The following RIPOR3 variants were observed in gnomAD, a reference collection of about 807,000 sequenced individuals.
RIPOR3 encodes RIPOR family member 3, also known as family with sequence similarity 65 member C.
A neutral mutation model predicts 114.3 loss-of-function variants in RIPOR3; 95 were observed. The observed-to-expected ratio is 0.83, with a 90% CI of 0.70 to 0.99. The LOEUF is 0.99. RIPOR3 is among the 50% of genes least tolerant of loss of function. RIPOR3 has a pLI of 0.00. For missense variants in RIPOR3, 1,252 were observed against 1,266.9 expected (o/e 0.99, Z 0.18); for synonymous variants, 575 against 543.8 (o/e 1.06, Z -0.80).
At chr20:50,593,289 T>C in intron 17 of RIPOR3, 93 bp from the exon 18 acceptor site, 1 of 1,438,342 alleles carries the variant, frequency 7.0e-7, no homozygotes, top group Non-Finnish European at 9.3e-7. Context: ...AAAGGCTTTC[T>C]GGGCCGGGCG....
At chr20:50,613,898 G>T (rs1394632518) in intron 4 of RIPOR3, among the ~76,000 whole-genome samples, 1 of 152,048 alleles carries the variant, frequency 6.6e-6, no homozygotes, top group Non-Finnish European at 1.5e-5. Context: ...AGCTTGGCAG[G>T]CCTTTCCCTC....
chr20:50,634,050 C>T (rs532894001), intron 1 of RIPOR3, among the ~76,000 whole-genome samples: 1 of 148,410 alleles, frequency 6.7e-6, no homozygotes, highest in African/African-American at 2.5e-5. Flanking sequence ...GACACGATCT[C>T]AGCTCACTGC....
chr20:50,650,465 G>A (rs954030718), intron 1 of RIPOR3, among the ~76,000 whole-genome samples: 1 of 152,016 alleles, frequency 6.6e-6, no homozygotes, highest in East Asian at 1.9e-4. Context: ...ACCACACCTG[G>A]CTAACTTTTT....
chr20:50,640,436 C>G (rs1222066626), intron 1 of RIPOR3, among the ~76,000 whole-genome samples: 1 of 148,444 alleles, frequency 6.7e-6, no homozygotes, highest in Non-Finnish European at 1.5e-5. Flanking sequence ...GCTGCTTCCC[C>G]TTTCCATCCA....
Position 50,609,366 on chromosome 20 carries a change from C to A in RIPOR3, c.577-10G>T, listed in dbSNP as rs778882632. On this transcript the variant is annotated splice_polypyrimidine_tract_variant and intron_variant, in intron 7 of 21. Transcript: ENST00000327979. The stretch of plus-strand genomic sequence containing the variant: ...CGATGAGCCACATGTCCTGCAAAGC[C>A]CCGGAGGTGGCTCAGCTGGCTGCCT... The A allele has an allele frequency of 7.4e-6, 12 of 1,612,754 alleles. No individual in the cohort carries two copies. The Middle Eastern group carries it at 6.6e-4, about 88-fold the overall frequency.
rs189986569 is a variant in RIPOR3 at position 50,593,173 on chromosome 20, C to T, written c.2236G>A (p.Val746Met). ...GGGAGCAGCCCACCACAGCTGACCA[C>T]CTGCTCCAGGAGCCTGCGGCACGCT... ...EIACRRLLEQ[V>M]VSCGGLLPGA... Residue 746 changes from valine to methionine, a missense_variant, in exon 18 of 22, where the codon GTG (valine) becomes ATG (methionine). By Grantham distance (21) the Val-to-Met change is conservative. Transcript: ENST00000327979. 7.6e-3 allele frequency: 12,303 copies of T among 1,613,336 alleles called. 74 individuals are homozygous for T. Among genetic ancestry groups the T allele is most frequent in the Non-Finnish European group, 9.4e-3 (11,135 of 1,180,022 alleles).
In RIPOR3 at chr20:50,587,310, A is replaced by C; in HGVS notation, c.2775T>G (p.Phe925Leu). 1 of 1,614,152 alleles carries C rather than the reference A, an allele frequency of 6.2e-7. No homozygotes were observed. Among genetic ancestry groups the C allele is most frequent in the Non-Finnish European group, 8.5e-7 (1 of 1,180,032 alleles). Residue 925 changes from phenylalanine to leucine, a missense_variant, in exon 22 of 22, where the codon TTT becomes TTG. Phe to Leu is a conservative substitution (Grantham distance 22). Transcript: ENST00000327979. ...CTGAGCAGAGCTTGTCCATCTTCTC[A>C]AAAGCTAACCGTCCTTTTTCACCTG... is the stretch of plus-strand genomic sequence containing the variant. ...LSFGEKGRLA[F>L]EKMDKLCSEQ...
Position 50,691,331 on chromosome 20 carries a change from C to T in RIPOR3, c.-203G>A, listed in dbSNP as rs1461508108. 2 of 513,074 alleles carry T rather than the reference C, an allele frequency of 3.9e-6. No individual in the cohort carries two copies. The highest frequency in any genetic ancestry group is 7.3e-5 in the East Asian group (1 of 13,674). The allele number at this position is 513,074 out of a possible 1,614,324, so 31.8% of individuals were successfully genotyped here. On this transcript the variant is annotated 5_prime_UTR_variant, in exon 1 of 22. Transcript: ENST00000327979. ...ATCGCCTTGAGGACCTGCTGCGCCC[C>T]GAGTCTTCCTTCTGGTGCAGGGAGG... is the stretch of plus-strand genomic sequence containing the variant.
intron 13 of RIPOR3, among the ~76,000 whole-genome samples, chr20:50,599,392 C>CAA (rs112794822): frequency 1.4e-5 from 2 of 140,318 alleles, no homozygotes; most frequent in African/African-American, 5.3e-5. Context: ...ACTCCGTCTC[C>CAA]AAAAAAAAAG....
chr20:50,685,071 C>T (rs568395888), intron 1 of RIPOR3, among the ~76,000 whole-genome samples: 4 of 152,098 alleles, frequency 2.6e-5, no homozygotes, highest in African/African-American at 7.2e-5. Context: ...TGAGCCACCA[C>T]GTCCAGTGTA....
At chr20:50,634,921 T>C (rs148371974) in intron 1 of RIPOR3, among the ~76,000 whole-genome samples, 1 of 152,240 alleles carries the variant, frequency 6.6e-6, no homozygotes, top group Non-Finnish European at 1.5e-5. Context: ...TAGTCCCAGC[T>C]ACTCTGGAGG....
chr20:50,626,769 C>A (rs1018098098), intron 2 of RIPOR3, among the ~76,000 whole-genome samples: 2 of 152,198 alleles, frequency 1.3e-5, no homozygotes, highest in African/African-American at 4.8e-5. Context: ...CGTCTGTAAT[C>A]CCAGCAGTTT....
chr20:50,660,749 C>CTTTTTTTT (rs58201824), intron 1 of RIPOR3, among the ~76,000 whole-genome samples: 1 of 83,256 alleles, frequency 1.2e-5, no homozygotes, highest in African/African-American at 4.3e-5. Context: ...TGGGATTTAC[C>CTTTTTTTT]TTTTTTTTTT....
chr20:50,673,480 G>A (rs1266650553), intron 1 of RIPOR3, among the ~76,000 whole-genome samples: 1 of 152,046 alleles, frequency 6.6e-6, no homozygotes, highest in South Asian at 2.1e-4. Context: ...TCTCTCTCAG[G>A]GGCCTCCAAC....
intron 6 of RIPOR3, among the ~76,000 whole-genome samples, 153 bp downstream of exon 6, chr20:50,610,700 C>T (rs919086350): frequency 1.3e-5 from 2 of 152,174 alleles, no homozygotes; most frequent in African/African-American, 4.8e-5. Context: ...TGGCCCGAGG[C>T]CCCTGCTCAT....
At chr20:50,603,720 C>A (rs758679689) in intron 12 of RIPOR3, among the ~76,000 whole-genome samples, 1 of 152,208 alleles carries the variant, frequency 6.6e-6, no homozygotes, top group Non-Finnish European at 1.5e-5. Flanking sequence ...TTAGGCCACA[C>A]GGGTGGTGAG....
At chr20:50,690,031 T>C (rs1163298764) in intron 1 of RIPOR3, among the ~76,000 whole-genome samples, 1 of 152,236 alleles carries the variant, frequency 6.6e-6, no homozygotes, top group East Asian at 1.9e-4. Context: ...AGACACGAGC[T>C]GACTTTATCT....
intron 17 of RIPOR3, among the ~76,000 whole-genome samples, chr20:50,594,087 G>A (rs1186424183): frequency 6.6e-6 from 1 of 151,932 alleles, no homozygotes; most frequent in Non-Finnish European, 1.5e-5. Context: ...TGGCCAATAT[G>A]GCGAAACCCC....
chr20:50,619,926 C>G (rs2084333102), intron 3 of RIPOR3, 60 bp downstream of exon 3: 1 of 1,566,334 alleles, frequency 6.4e-7, no homozygotes, highest in Non-Finnish European at 8.7e-7. Flanking sequence ...CAGGAAGAGA[C>G]AGAGAGGAGG....
Sources: gnomAD v4.1 joint callset for allele counts (sites outside exome capture counted in the v4.1 genomes callset) on GRCh38, gnomAD v4.1.1 for gene constraint, MANE v1.5 for transcripts, NCBI Gene and HGNC (gene_info 2026-07-23, HGNC 2026-07-21) for gene names.